ILDR1: variants seen among roughly 807,000 people sequenced by gnomAD.
The protein encoded by ILDR1 is immunoglobulin like domain containing receptor 1, also known as immunoglobulin-like domain-containing receptor 1.
Under a neutral mutation model 62.4 loss-of-function variants are expected in ILDR1, and 56 were observed. The observed-to-expected ratio is 0.90, with a 90% CI of 0.72 to 1.12. The LOEUF (loss-of-function observed/expected upper bound fraction) is 1.12, where lower values mean the gene tolerates loss of function less well. Among genes scored for constraint, ILDR1 ranks in the 50% most tolerant of loss-of-function variants. ILDR1 has a pLI of 0.00. For synonymous variants in ILDR1, 284 were observed against 277.8 expected (o/e 1.02, Z -0.22); for missense variants, 736 against 710.6 (o/e 1.04, Z -0.41).
rs781074362 is a variant in ILDR1, at chr3:122,007,115, G to C, written c.105C>G (p.Val35=). The change falls in exon 2 of 8, where the codon GTC becomes GTG. Residue 35 remains valine, a synonymous_variant. Coordinates refer to ENST00000344209, the MANE Select transcript of ILDR1 (RefSeq NM_001199799.2). ...LVTVQHTERY[V]TLFASIILKC... Reference sequence around the variant, plus strand: ...TGAGGATGATAGAGGCAAACAGGGTGACATAGCGTTCTGTGTGCTGGACCG... The same window carrying C: ...TGAGGATGATAGAGGCAAACAGGGTCACATAGCGTTCTGTGTGCTGGACCG... 2.5e-6 allele frequency: 4 copies of C among 1,614,082 alleles called. No individual in the cohort carries two copies. The highest frequency in any genetic ancestry group is 3.4e-6 in the Non-Finnish European group (4 of 1,180,038).
intron 1 of ILDR1, chr3:122,007,387 C>A (rs2107665704): frequency 1.2e-6 from 1 of 824,332 alleles, no homozygotes; most frequent in South Asian, 1.7e-5. Flanking sequence ...GTGAGGAAAA[C>A]TCCCAGGAAT....
chr3:121,994,313 G>T lies in ILDR1; in HGVS notation c.647C>A (p.Ala216Asp), dbSNP rs923182504. ...CPAHCCCPEE[A>D]LARHRYMKQA... ...CTTCATGTAGCGGTGGCGGGCCAGG[G>T]CTGCAGGGAAAGAAGGAGAAATGCA... Residue 216 changes from alanine (A) to aspartate (D), a missense_variant and splice_region_variant, in exon 6 of 8, where the codon GCC becomes GAC. Coordinates refer to ENST00000344209, the MANE Select transcript of ILDR1 (RefSeq NM_001199799.2). 2.0e-6 allele frequency: 3 copies of T among 1,531,980 alleles called. No individual in the cohort carries two copies. The African/African-American group carries it at 4.1e-5, about 21-fold the overall frequency. The allele number at this position is 1,531,980 out of a possible 1,614,324, so 94.9% of individuals were successfully genotyped here.
At chr3:122,055,956 C>T in the ILDR1 span, among the ~76,000 whole-genome samples, 1 of 152,020 alleles carries the variant, frequency 6.6e-6, no homozygotes, top group South Asian at 2.1e-4. Flanking sequence ...ATGCAAAACT[C>T]AGTTAATATG....
At position 121,988,391 on chromosome 3, in the gene ILDR1, A is replaced by C; in HGVS notation, c.1617T>G (p.His539Gln). 6.2e-7 allele frequency: 1 copy of C among 1,613,810 alleles called. No individual in the cohort carries two copies. Among genetic ancestry groups the C allele is most frequent in the Non-Finnish European group, 8.5e-7 (1 of 1,179,740 alleles). ...ACTAAATGACCACACTCCTTCCACT[A>C]TGAGAGCTGTCTTTCTCCTGGGAAA... ...VERRSEKDSSHSGRSVVI is the reference protein window; with the variant it reads ...VERRSEKDSSQSGRSVVI Residue 539 changes from histidine (H) to glutamine (Q), a missense_variant, in exon 8 of 8, where the codon CAT (histidine) becomes CAG (glutamine). Transcript: ENST00000344209.
At chr3:122,016,668 C>T (rs1325806364) in intron 1 of ILDR1, among the ~76,000 whole-genome samples, 2 of 152,200 alleles carry the variant, frequency 1.3e-5, no homozygotes, top group Non-Finnish European at 2.9e-5. Flanking sequence ...GAATTTCAAA[C>T]AAAGAGCTTT....
At chr3:122,054,774 G>A in the ILDR1 span, among the ~76,000 whole-genome samples, 1 of 151,684 alleles carries the variant, frequency 6.6e-6, no homozygotes, top group African/African-American at 2.4e-5. Flanking sequence ...TGTCTCTTAG[G>A]GACATCTATT....
chr3:122,008,197 C>T (rs971490980), intron 1 of ILDR1, among the ~76,000 whole-genome samples: 9 of 152,188 alleles, frequency 5.9e-5, no homozygotes, highest in Admixed American at 2.6e-4. Flanking sequence ...TCAAGAAAGA[C>T]TTGAAGAAAT....
At chr3:122,000,060 C>G (rs1183227254) in intron 5 of ILDR1, among the ~76,000 whole-genome samples, 2 of 147,756 alleles carry the variant, frequency 1.4e-5, no homozygotes, top group African/African-American at 2.5e-5. Context: ...AAAAAAAAAA[C>G]AGCCACAGAT....
intron 7 of ILDR1, 47 bp downstream of exon 7, chr3:121,993,103 C>A (rs1462076274): frequency 7.0e-7 from 1 of 1,433,576 alleles, no homozygotes; most frequent in African/African-American, 1.4e-5. Flanking sequence ...TGGCTGGAGG[C>A]TCCTCTCTGC....
chr3:121,989,092 A>T (rs1280621521), intron 7 of ILDR1, among the ~76,000 whole-genome samples: 3 of 152,162 alleles, frequency 2.0e-5, no homozygotes, highest in African/African-American at 7.2e-5. Flanking sequence ...AACCTTCCTC[A>T]TCTTATTTGA....
chr3:121,996,493 G>GA (rs2071437965), intron 5 of ILDR1, among the ~76,000 whole-genome samples: 2 of 152,170 alleles, frequency 1.3e-5, no homozygotes, highest in Admixed American at 6.5e-5. Flanking sequence ...CTGCATCCCT[G>GA]AAAACAGCCT....
chr3:121,996,958 T>A (rs2071446210), intron 5 of ILDR1, among the ~76,000 whole-genome samples: 2 of 152,232 alleles, frequency 1.3e-5, no homozygotes, highest in African/African-American at 4.8e-5. Flanking sequence ...TGGAGTGCAA[T>A]GGCACGATCT....
Position 121,994,212 on chromosome 3 carries a change from A to T in ILDR1, c.748T>A (p.Ser250Thr). 2.0e-6 allele frequency: 3 copies of T among 1,536,090 alleles called. No homozygotes were observed. Among genetic ancestry groups the T allele is most frequent in the African/African-American group, 2.7e-5 (2 of 73,152 alleles). The change falls in exon 6 of 8, where the codon TCT (serine) becomes ACT (threonine). Residue 250 changes from serine (S) to threonine (T), a missense_variant. Transcript: ENST00000344209. ...WGADRSSQVS[S>T]YPMHPLLQRD... ...TGCAGCAGCGGGTGCATTGGATAAG[A>T]TGAAACCTGGGAGCTCCTGTCCGCC...
intron 1 of ILDR1, among the ~76,000 whole-genome samples, chr3:122,015,339 C>T (rs2071762041): frequency 6.6e-6 from 1 of 152,172 alleles, no homozygotes; most frequent in African/African-American, 2.4e-5. Flanking sequence ...ATGGAAAAGA[C>T]CAAAAACTAG....
the ILDR1 span, among the ~76,000 whole-genome samples, chr3:122,049,039 T>G: frequency 6.6e-6 from 1 of 152,246 alleles, no homozygotes; most frequent in Non-Finnish European, 1.5e-5. Context: ...ATTTTTAATA[T>G]GTTTATTGTT....
At chr3:122,026,877 A>G (rs551714838), upstream of ILDR1, among the ~76,000 whole-genome samples, 5 of 152,224 alleles carry the variant, frequency 3.3e-5, no homozygotes, top group Admixed American at 6.5e-5. Flanking sequence ...TAAAAATATT[A>G]TTGATAATAT....
chr3:122,005,171 G>T, intron 3 of ILDR1, 73 bp downstream of exon 3: 2 of 1,093,576 alleles, frequency 1.8e-6, no homozygotes, highest in Non-Finnish European at 2.7e-6. Context: ...ATCCCATGCT[G>T]ACTCAGCCTG....
In ILDR1 at chr3:121,994,240, C is replaced by G. The variant is rs544860151; in HGVS notation, c.720G>C (p.Trp240Cys). 119 of 1,536,120 alleles carry G rather than the reference C, an allele frequency of 7.7e-5. 1 individual carries two copies. In the South Asian group the frequency reaches 1.3e-3, roughly 17 times the overall value. ...GPQMMGKPLY[W>C]GADRSSQVSS... ...AAACCTGGGAGCTCCTGTCCGCCCC[C>G]CAGTACAGGGGTTTTCCCATCATCT... Residue 240 changes from tryptophan (W) to cysteine (C), a missense_variant, in exon 6 of 8, where the codon TGG becomes TGC. Trp to Cys is a radical substitution (Grantham distance 215, BLOSUM62 -2). Transcript: ENST00000344209.
the ILDR1 span, among the ~76,000 whole-genome samples, chr3:122,028,163 T>C: frequency 6.8e-6 from 1 of 147,168 alleles, no homozygotes; most frequent in African/African-American, 2.6e-5. Flanking sequence ...CTGTCTCTAC[T>C]AAAAATACGG....
Sources: allele counts gnomAD v4.1 joint callset (sites outside exome capture counted in the v4.1 genomes callset), GRCh38; gene constraint gnomAD v4.1.1; transcripts MANE v1.5; gene names NCBI Gene and HGNC (gene_info 2026-07-23, HGNC 2026-07-21).